The following VSIG1 variants were observed in gnomAD, a reference collection of about 807,000 sequenced individuals.
VSIG1 encodes V-set and immunoglobulin domain-containing protein 1.
Under a neutral mutation model 20.1 loss-of-function variants are expected in VSIG1, and 11 were observed. The observed-to-expected ratio is 0.55, with a 90% CI of 0.34 to 0.91. The LOEUF is 0.91. VSIG1 is among the 40% of genes least tolerant of loss of function. The pLI is 0.02. For missense variants in VSIG1, 283 were observed against 298.8 expected (o/e 0.95, Z 0.39); for synonymous variants, 126 against 116.7 (o/e 1.08, Z -0.52).
chrX:108,024,415 T>C, the VSIG1 span, among the ~76,000 whole-genome samples: 14 of 110,441 alleles, frequency 1.3e-4, no homozygotes, highest in African/African-American at 4.6e-4. Flanking sequence ...CTGTTTTTTT[T>C]CTATTGTTTT....
At chrX:108,029,488 C>A in the VSIG1 span, among the ~76,000 whole-genome samples, 2 of 112,117 alleles carry the variant, frequency 1.8e-5, no homozygotes, top group Non-Finnish European at 3.8e-5. Context: ...TGGATGTGGT[C>A]TGCCAGCCTG....
chrX:108,022,404 C>T, the VSIG1 span, among the ~76,000 whole-genome samples: 4 of 111,606 alleles, frequency 3.6e-5, no homozygotes, highest in Admixed American at 9.5e-5. Context: ...TCTTATATCC[C>T]GCAACTTCAC....
the VSIG1 span, among the ~76,000 whole-genome samples, chrX:108,028,362 C>A: frequency 9.0e-6 from 1 of 111,672 alleles, no homozygotes; most frequent in Non-Finnish European, 1.9e-5. Context: ...ATTATTATTA[C>A]AAATTTGTCC....
Position 108,047,835 on chromosome X carries a change from T to C in VSIG1, c.49+2656T>C, listed in dbSNP as rs1379620760. 4.2e-4 allele frequency among the ~76,000 whole-genome samples: 19 copies of C among 45,422 alleles called. 1 individual carries two copies. Among genetic ancestry groups the C allele is most frequent in the Admixed American group, 1.7e-3 (8 of 4,675 alleles). 39.4% of individuals were successfully genotyped at this position (45,422 alleles called of 115,157 possible). A position where few individuals can be genotyped will look rare whatever the true frequency, so the allele number is the denominator to read the frequency against. On this transcript the variant is annotated intron_variant, in intron 1 of 6. Transcript: ENST00000217957. ...ATATATATATACATATATATACACA[T>C]ATATATATACATATATATATACACA... is the stretch of plus-strand genomic sequence containing the variant.
chrX:108,060,728 C>G (rs2281153), intron 2 of VSIG1, among the ~76,000 whole-genome samples: 1,634 of 112,072 alleles, frequency 0.015, 9 homozygotes, highest in East Asian at 0.032. Context: ...CGTTTCCAAT[C>G]TTTAAAATGG....
At chrX:108,021,212 A>G in the VSIG1 span, among the ~76,000 whole-genome samples, 7 of 111,661 alleles carry the variant, frequency 6.3e-5, no homozygotes, top group African/African-American at 1.3e-4. Flanking sequence ...TGGAAGTTTG[A>G]TCCTCTAACA....
chrX:108,047,790 C>A (rs12836997), intron 1 of VSIG1, among the ~76,000 whole-genome samples: 22,485 of 55,071 alleles, frequency 0.41, 3,859 homozygotes, highest in East Asian at 0.52. Context: ...CTCTCTCTCT[C>A]TATATATATA....
chrX:108,020,107 TGGA>T, the VSIG1 span, among the ~76,000 whole-genome samples: 27 of 112,538 alleles, frequency 2.4e-4, no homozygotes, highest in East Asian at 5.0e-3. Flanking sequence ...TTTTTCCTAG[TGGA>T]GGAGGCAAGT....
At chrX:108,072,929 C>A in intron 4 of VSIG1, 97 bp downstream of exon 4, 1 of 936,224 alleles carries the variant, frequency 1.1e-6, no homozygotes, top group Non-Finnish European at 1.5e-6. Context: ...ACAGTTCAAT[C>A]TTCTTGTTTT....
intron 1 of VSIG1, among the ~76,000 whole-genome samples, chrX:108,048,362 T>C (rs1236595460): frequency 8.9e-6 from 1 of 112,084 alleles, no homozygotes; most frequent in East Asian, 2.8e-4. Context: ...TCTTTAATAA[T>C]AAGCACTTTT....
intron 1 of VSIG1, among the ~76,000 whole-genome samples, chrX:108,054,114 G>T (rs1043381396): frequency 8.9e-6 from 1 of 111,770 alleles, no homozygotes; most frequent in Non-Finnish European, 1.9e-5. Context: ...AAAATCTGGA[G>T]AAGCTTCATT....
At chrX:108,047,969 T>TATATATATACACAC (rs1569287479) in intron 1 of VSIG1, among the ~76,000 whole-genome samples, 3 of 43,073 alleles carry the variant, frequency 7.0e-5, no homozygotes, top group Non-Finnish European at 1.3e-4. Flanking sequence ...CACATATATA[T>TATATATATACACAC]ATATATATAT....
rs908354692 is a variant in VSIG1 at position 108,061,483 on chromosome X, T to G, written c.213+3282T>G. Reference sequence around the variant, plus strand: ...GAGGAAAAGGCAGTCAGTCAGTGTCTAAAAATGACGCACGCAAGAGACGCT... The same window carrying G: ...GAGGAAAAGGCAGTCAGTCAGTGTCGAAAAATGACGCACGCAAGAGACGCT... On this transcript the variant is annotated intron_variant, in intron 2 of 6. Coordinates refer to ENST00000217957, the MANE Select transcript of VSIG1 (RefSeq NM_182607.5). 2.6e-6 allele frequency: 3 copies of G among 1,167,084 alleles called. No individual in the cohort carries two copies. Among genetic ancestry groups the G allele is most frequent in the Non-Finnish European group, 3.4e-6 (3 of 872,564 alleles).
chrX:108,027,452 A>G, the VSIG1 span, among the ~76,000 whole-genome samples: 1 of 112,250 alleles, frequency 8.9e-6, no homozygotes, highest in Non-Finnish European at 1.9e-5. Flanking sequence ...TAAAATGTTC[A>G]GAATAAGAAT....
the VSIG1 span, among the ~76,000 whole-genome samples, chrX:108,027,499 G>A: frequency 8.9e-6 from 1 of 111,790 alleles, no homozygotes; most frequent in Non-Finnish European, 1.9e-5. Context: ...TGGTTGCCAG[G>A]TGGAGAATAA....
the VSIG1 span, among the ~76,000 whole-genome samples, chrX:108,025,450 T>C: frequency 2.7e-5 from 3 of 112,244 alleles, no homozygotes; most frequent in Admixed American, 2.8e-4. Context: ...ATATTCTTGG[T>C]TTTCAAAATA....
At chrX:108,039,386 G>A in the VSIG1 span, among the ~76,000 whole-genome samples, 1 of 110,497 alleles carries the variant, frequency 9.1e-6, no homozygotes, top group Non-Finnish European at 1.9e-5. Context: ...TAGAGACGGG[G>A]GTTTCATCAC....
At chrX:108,041,322 T>A (rs1231580076), upstream of VSIG1, among the ~76,000 whole-genome samples, 1 of 111,117 alleles carries the variant, frequency 9.0e-6, no homozygotes, top group African/African-American at 3.3e-5. Flanking sequence ...TTGTCAATAA[T>A]ATTGAAAAAC....
chrX:108,047,973 T>TACAC lies in VSIG1; in HGVS notation c.49+2795_49+2796insCACA, dbSNP rs1569287494. Among the ~76,000 whole-genome samples, 30 of 59,626 alleles carry TACAC rather than the reference T, an allele frequency of 5.0e-4. 3 individuals carry two copies. Among genetic ancestry groups the TACAC allele is most frequent in the East Asian group, 2.6e-3 (5 of 1,908 alleles). The allele number at this position is 59,626 out of a possible 115,157, so 51.8% of individuals were successfully genotyped here. On this transcript the variant is annotated intron_variant, in intron 1 of 6. Transcript: ENST00000217957. ...ATATATACACACACATATATATATA[T>TACAC]ATATATATATATATATATATATATA... is the stretch of plus-strand genomic sequence containing the variant.
Sources: gnomAD v4.1 joint callset for allele counts (sites outside exome capture counted in the v4.1 genomes callset) on GRCh38, gnomAD v4.1.1 for gene constraint, MANE v1.5 for transcripts, NCBI Gene and HGNC (gene_info 2026-07-23, HGNC 2026-07-21) for gene names.